GLIS1: variants seen among roughly 807,000 people sequenced by gnomAD.
The protein encoded by GLIS1 is GLIS family zinc finger 1.
A neutral mutation model predicts 63.8 loss-of-function variants in GLIS1; 24 were observed. That is an observed-to-expected ratio of 0.38 (90% CI 0.27 to 0.53). The LOEUF is 0.53. GLIS1 is among the 20% of genes least tolerant of loss of function. GLIS1 has a pLI of 0.85. For missense variants in GLIS1, 1,036 were observed against 1,074.1 expected, an observed-to-expected ratio of 0.96 and a Z score of 0.50; for synonymous variants, 450 against 482.5, an observed-to-expected ratio of 0.93 and a Z score of 0.88.
chr1:53,582,346 G>A (rs1393880319), intron 4 of GLIS1, among the ~76,000 whole-genome samples: 1 of 152,216 alleles, frequency 6.6e-6, no homozygotes, highest in African/African-American at 2.4e-5. Context: ...CTAAGAAGGT[G>A]TGACATTTGA....
At chr1:53,735,441 G>C (rs1646903427) in intron 2 of GLIS1, among the ~76,000 whole-genome samples, 1 of 152,238 alleles carries the variant, frequency 6.6e-6, no homozygotes, top group African/African-American at 2.4e-5. Flanking sequence ...TGAAAACCCA[G>C]AGGTTGAGAA....
intron 2 of GLIS1, among the ~76,000 whole-genome samples, chr1:53,724,060 A>C (rs1229932567): frequency 1.3e-5 from 2 of 152,170 alleles, no homozygotes; most frequent in East Asian, 3.9e-4. Context: ...TGCCTTAAGA[A>C]CACTCTGAGA....
At chr1:53,605,854 C>T (rs1018230703) in intron 2 of GLIS1, among the ~76,000 whole-genome samples, 8 of 152,210 alleles carry the variant, frequency 5.3e-5, no homozygotes, top group African/African-American at 1.9e-4. Flanking sequence ...GTCAGGCCCA[C>T]AGCAAGTGCT....
intron 10 of GLIS1, among the ~76,000 whole-genome samples, chr1:53,508,540 GACTAGGCCT>G (rs942114056): frequency 6.6e-6 from 1 of 152,140 alleles, no homozygotes; most frequent in African/African-American, 2.4e-5. Context: ...CCCCTGCTCT[GACTAGGCCT>G]GCCCTGCTGA....
chr1:53,714,123 C>CTTGTTTGT (rs1300772377), intron 2 of GLIS1, among the ~76,000 whole-genome samples: 2 of 152,162 alleles, frequency 1.3e-5, no homozygotes, highest in Non-Finnish European at 2.9e-5. Context: ...GTTAGAAATA[C>CTTGTTTGT]AAACAAGGTC....
chr1:53,658,016 C>A (rs1203420527), intron 2 of GLIS1, among the ~76,000 whole-genome samples: 1 of 152,136 alleles, frequency 6.6e-6, no homozygotes, highest in Non-Finnish European at 1.5e-5. Flanking sequence ...GTGCTCAAAG[C>A]CCTGTGGGGT....
chr1:53,628,472 TG>T (rs1645619066), intron 2 of GLIS1, among the ~76,000 whole-genome samples: 1 of 152,166 alleles, frequency 6.6e-6, no homozygotes, highest in African/African-American at 2.4e-5. Flanking sequence ...TGTACAGCAC[TG>T]GGGACAGAAC....
Position 53,560,476 on chromosome 1 carries a change from G to A in GLIS1, c.1321-30524C>T, listed in dbSNP as rs1644875339. 6.6e-6 allele frequency among the ~76,000 whole-genome samples: 1 copy of A among 152,206 alleles called. No homozygotes were observed. Among genetic ancestry groups the A allele is most frequent in the Admixed American group, 6.5e-5 (1 of 15,288 alleles). On this transcript the variant is annotated intron_variant, in intron 4 of 10. Coordinates refer to ENST00000628545, the MANE Select transcript of GLIS1 (RefSeq NM_001367484.1). The surrounding 1 kb of genome is among the most constrained non-coding windows in gnomAD (Gnocchi z 4.4). ...GTCGGGAGATATCTGGTCCACACAC[G>A]GAGCAAATATCTGTTTCCCCCTGGT...
intron 2 of GLIS1, among the ~76,000 whole-genome samples, chr1:53,693,652 G>T (rs1340275843): frequency 6.6e-6 from 1 of 152,140 alleles, no homozygotes; most frequent in Non-Finnish European, 1.5e-5. Context: ...AAGCAGTCCC[G>T]GCCTCGGGGT....
At chr1:53,563,416 A>G (rs894366901) in intron 4 of GLIS1, among the ~76,000 whole-genome samples, 2 of 152,248 alleles carry the variant, frequency 1.3e-5, no homozygotes, top group African/African-American at 4.8e-5. Context: ...AAAGGAACCA[A>G]CAGAATTTCC....
intron 2 of GLIS1, among the ~76,000 whole-genome samples, chr1:53,720,659 G>T (rs540155359): frequency 6.6e-5 from 10 of 152,074 alleles, no homozygotes; most frequent in Non-Finnish European, 1.5e-4. Flanking sequence ...CATAAAAGGG[G>T]GTGAATGTTT....
Position 53,590,124 on chromosome 1 carries a change from TG to T in GLIS1, c.1320+3983del, listed in dbSNP as rs1211511119. Among the ~76,000 whole-genome samples, 3 of 152,260 alleles carry T rather than the reference TG, an allele frequency of 2.0e-5. No homozygotes were observed. The East Asian group carries it at 5.8e-4, about 29-fold the overall frequency. ...TGTACACATCACCTGAGATCAATGC[TG>T]GAGTGTGATGGGGAAGCAAGCACCC... On this transcript the variant is annotated intron_variant, in intron 4 of 10. Transcript: ENST00000628545.
chr1:53,551,715 C>T (rs1644761536), intron 4 of GLIS1, among the ~76,000 whole-genome samples: 1 of 152,106 alleles, frequency 6.6e-6, no homozygotes, highest in Non-Finnish European at 1.5e-5. Flanking sequence ...TAGCCTGCTC[C>T]CACCTCTGCC....
At chr1:53,575,322 A>G (rs1436009454) in intron 4 of GLIS1, among the ~76,000 whole-genome samples, 2 of 152,094 alleles carry the variant, frequency 1.3e-5, no homozygotes, top group Non-Finnish European at 2.9e-5. Flanking sequence ...ACAAAGCCCA[A>G]GCTCCTCAGT....
At chr1:53,606,890 G>A (rs1407354157) in intron 2 of GLIS1, among the ~76,000 whole-genome samples, 1 of 152,184 alleles carries the variant, frequency 6.6e-6, no homozygotes, top group African/African-American at 2.4e-5. Context: ...CGGGGACTCG[G>A]GCCAGTGAAA....
chr1:53,624,977 T>C (rs942834788), intron 2 of GLIS1, among the ~76,000 whole-genome samples: 4 of 152,082 alleles, frequency 2.6e-5, no homozygotes, highest in Admixed American at 2.6e-4. Context: ...CAGGGGGCAA[T>C]AGCAATCCTA....
At chr1:53,625,422 T>C (rs1184367120) in intron 2 of GLIS1, among the ~76,000 whole-genome samples, 1 of 152,218 alleles carries the variant, frequency 6.6e-6, no homozygotes, top group Non-Finnish European at 1.5e-5. Context: ...ATCAGTAACC[T>C]TGGACTTCAT....
intron 6 of GLIS1, among the ~76,000 whole-genome samples, chr1:53,521,412 T>C (rs538431772): frequency 1.3e-5 from 2 of 152,100 alleles, no homozygotes; most frequent in Non-Finnish European, 2.9e-5. Context: ...GGGCTAGGGA[T>C]GAAGAGCTGG....
chr1:53,631,838 A>T (rs1232485586), intron 2 of GLIS1, among the ~76,000 whole-genome samples: 1 of 152,130 alleles, frequency 6.6e-6, no homozygotes, highest in African/African-American at 2.4e-5. Flanking sequence ...AGCCAGTGCC[A>T]AGGCCCTGAG....
Sources: gnomAD v4.1 joint callset for allele counts (sites outside exome capture counted in the v4.1 genomes callset) on GRCh38, gnomAD v4.1.1 for gene constraint, Gnocchi (gnomAD v3.1) non-coding constraint, MANE v1.5 for transcripts, NCBI Gene and HGNC (gene_info 2026-07-23, HGNC 2026-07-21) for gene names.